Variants in LUC7L2 observed in about 807,000 individuals in gnomAD.
LUC7L2 encodes LUC7 like 2, pre-mRNA splicing factor.
LUC7L2 carries 25 observed loss-of-function variants against 52.8 expected under a neutral mutation model. The observed-to-expected ratio is 0.47, with a 90% CI of 0.34 to 0.66. The LOEUF is 0.66. Ranked by LOEUF, LUC7L2 falls within the 30% of genes least tolerant of loss-of-function variation. LUC7L2 has a pLI of 0.01. For synonymous variants in LUC7L2, 144 were observed against 160.9 expected, an observed-to-expected ratio of 0.89 and a Z score of 0.80; for missense variants, 328 against 497.8, an observed-to-expected ratio of 0.66 and a Z score of 3.25.
chr7:139,347,703 T>C (rs989841507), intron 1 of LUC7L2, among the ~76,000 whole-genome samples: 2 of 152,120 alleles, frequency 1.3e-5, no homozygotes, highest in Admixed American at 1.3e-4. Flanking sequence ...AAAAGAAATG[T>C]TTAACATACC....
At chr7:139,408,576 G>GCT (rs1458537322) in intron 6 of LUC7L2, among the ~76,000 whole-genome samples, 1 of 152,212 alleles carries the variant, frequency 6.6e-6, no homozygotes, top group Non-Finnish European at 1.5e-5. Flanking sequence ...AGGCGCAGTG[G>GCT]CTCACGCCTG....
intron 2 of LUC7L2, among the ~76,000 whole-genome samples, chr7:139,379,965 G>A (rs1800912596): frequency 1.3e-5 from 2 of 151,896 alleles, no homozygotes; most frequent in African/African-American, 2.4e-5. Context: ...CTTGAGGTCA[G>A]GAGTTTGAGA....
intron 1 of LUC7L2, chr7:139,374,339 A>G (rs1478352455): frequency 7.9e-7 from 1 of 1,258,868 alleles, no homozygotes; most frequent in African/African-American, 1.5e-5. Context: ...CTGTATTGAA[A>G]TTGCTGGCAG....
chr7:139,407,171 T>G lies in LUC7L2; in HGVS notation c.511-3T>G. 6.2e-7 allele frequency: 1 copy of G among 1,606,002 alleles called. No individual in the cohort carries two copies. Among genetic ancestry groups the G allele is most frequent in the Non-Finnish European group, 8.5e-7 (1 of 1,175,922 alleles). The stretch of plus-strand genomic sequence containing the variant: ...GGTCATTGTTTTTCTCACTTTTGTT[T>G]AGGAAGTTTATCGGAATTCTATGCC... On this transcript the variant is annotated splice_region_variant and splice_polypyrimidine_tract_variant and intron_variant, in intron 5 of 9. Transcript: ENST00000354926.
rs2116368830 is a variant in LUC7L2, at chr7:139,422,949, A to T, written c.*609A>T. The stretch of plus-strand genomic sequence containing the variant: ...GGAAGTTGAACAGCTGTTGCATTAC[A>T]TACTTTTGCTTTTTTATTGAAATTT... On this transcript the variant is annotated 3_prime_UTR_variant, in exon 10 of 10. Coordinates refer to ENST00000354926, the MANE Select transcript of LUC7L2 (RefSeq NM_016019.5). 1 of 398,844 alleles carries T rather than the reference A, an allele frequency of 2.5e-6. No homozygotes were observed. Among genetic ancestry groups the T allele is most frequent in the East Asian group, 3.6e-5 (1 of 28,054 alleles). The allele number at this position is 398,844 out of a possible 1,614,324, so 24.7% of individuals were successfully genotyped here.
intron 2 of LUC7L2, among the ~76,000 whole-genome samples, chr7:139,393,370 C>T (rs1347745884): frequency 2.0e-5 from 3 of 152,096 alleles, no homozygotes; most frequent in African/African-American, 7.2e-5. Flanking sequence ...GGTAGGGTTG[C>T]AGTGAGCTGA....
chr7:139,359,513 G>A (rs1336712607), upstream of LUC7L2: 5 of 244,154 alleles, frequency 2.0e-5, no homozygotes, highest in African/African-American at 1.1e-4. Context: ...GCCCACCTCA[G>A]ACGCCAAGGA....
Position 139,410,856 on chromosome 7 carries a change from C to T in LUC7L2, c.779+1202C>T, listed in dbSNP as rs113294548. Among the ~76,000 whole-genome samples, 375 of 152,226 alleles carry T rather than the reference C, an allele frequency of 2.5e-3. 2 individuals carry two copies. Among genetic ancestry groups the T allele is most frequent in the African/African-American group, 8.3e-3 (345 of 41,552 alleles). ...TCGTTTGTGTCACATGGCTTATAAC[C>T]AGGTAATCTTTTTGCACCATAAAGA... On this transcript the variant is annotated intron_variant, in intron 7 of 9. Transcript: ENST00000354926.
intron 1 of LUC7L2, among the ~76,000 whole-genome samples, chr7:139,342,308 G>C (rs1222839492): frequency 1.3e-5 from 2 of 152,108 alleles, no homozygotes; most frequent in African/African-American, 2.4e-5. Context: ...AGTTAGGGAA[G>C]GTTTTCCGGA....
chr7:139,345,755 C>T, intron 1 of LUC7L2: 2 of 1,539,734 alleles, frequency 1.3e-6, no homozygotes, highest in South Asian at 1.2e-5. Flanking sequence ...TGAATAATTT[C>T]TATCAATATG....
In LUC7L2 at chr7:139,407,041, A is replaced by G. The variant is rs1312038221; in HGVS notation, c.511-133A>G. On this transcript the variant is annotated intron_variant, in intron 5 of 9. Transcript: ENST00000354926. ...TTTTTTTGAGCTGGAGTCTCGCCCC[A>G]GTGAGCCACCGTGCCCAGCCACTTT... 5.1e-6 allele frequency: 2 copies of G among 392,852 alleles called. 1 individual carries two copies. The highest frequency in any genetic ancestry group is 2.3e-4 in the South Asian group (2 of 8,816). The allele number at this position is 392,852 out of a possible 1,614,324, so 24.3% of individuals were successfully genotyped here.
rs539475137 is a variant in LUC7L2 at position 139,360,454 on chromosome 7, G to T, written c.61+132G>T. 1.8e-4 allele frequency: 132 copies of T among 740,724 alleles called. 1 individual carries two copies. In the East Asian group the frequency reaches 3.6e-3, roughly 20 times the overall value. 45.9% of individuals were successfully genotyped at this position (740,724 alleles called of 1,614,324 possible). On this transcript the variant is annotated intron_variant, in intron 1 of 9. Coordinates refer to ENST00000354926, the MANE Select transcript of LUC7L2 (RefSeq NM_016019.5). The stretch of plus-strand genomic sequence containing the variant: ...CCCAGATTGGTAACACGAGGTCCCC[G>T]TCCCCCGTCCCATCCAATCAGGGCT...
chr7:139,385,386 A>G (rs1307192519), intron 2 of LUC7L2, among the ~76,000 whole-genome samples: 1 of 148,948 alleles, frequency 6.7e-6, no homozygotes, highest in Admixed American at 6.8e-5. Flanking sequence ...GCAGTGGTAT[A>G]ATCGTAGCCA....
intron 7 of LUC7L2, 124 bp downstream of exon 7, chr7:139,409,778 T>A: frequency 7.5e-7 from 1 of 1,328,620 alleles, no homozygotes; most frequent in Non-Finnish European, 9.8e-7. Flanking sequence ...CTGCTTACTT[T>A]AAAAAATATT....
rs754735833 is a variant in LUC7L2, at chr7:139,398,701, T to C, written c.255+4T>C. ...AGATTTTTTCTTTGAACTTGATGTA[T>C]GTGATTTTGCTTTAATGGTTTGTTG... On this transcript the variant is annotated splice_donor_region_variant and intron_variant, in intron 3 of 9. Coordinates refer to ENST00000354926, the MANE Select transcript of LUC7L2 (RefSeq NM_016019.5). 9.9e-6 allele frequency: 16 copies of C among 1,609,010 alleles called. No individual in the cohort carries two copies. The highest frequency in any genetic ancestry group is 1.4e-5 in the Non-Finnish European group (16 of 1,178,544).
At chr7:139,374,573 C>A in intron 1 of LUC7L2, 1 of 1,541,352 alleles carries the variant, frequency 6.5e-7, no homozygotes, top group Non-Finnish European at 8.8e-7. Context: ...ATTATAGTAG[C>A]AGGCGTAAAC....
At chr7:139,341,132 C>T (rs980919842) in intron 1 of LUC7L2, 2 of 445,854 alleles carry the variant, frequency 4.5e-6, no homozygotes, top group African/African-American at 4.1e-5. Context: ...CCTGTTTCCC[C>T]AAACCCTTGT....
Position 139,409,666 on chromosome 7 carries a change from T to C in LUC7L2, c.779+12T>C. 1 of 1,584,806 alleles carries C rather than the reference T, an allele frequency of 6.3e-7. No homozygotes were observed. Among genetic ancestry groups the C allele is most frequent in the Non-Finnish European group, 8.6e-7 (1 of 1,168,694 alleles). On this transcript the variant is annotated intron_variant, in intron 7 of 9. Coordinates refer to ENST00000354926, the MANE Select transcript of LUC7L2 (RefSeq NM_016019.5). ...GAGAAGCTGAGGAGGTATGGAGTAA[T>C]GGGCCAAGTAATTGAAGTTGAATCT...
At chr7:139,354,105 C>T (rs533081564) in intron 1 of LUC7L2, among the ~76,000 whole-genome samples, 3 of 136,510 alleles carry the variant, frequency 2.2e-5, no homozygotes, top group East Asian at 2.0e-4. Flanking sequence ...AATAGAGACT[C>T]GGTCTCAGAA....
Sources: allele counts gnomAD v4.1 joint callset (sites outside exome capture counted in the v4.1 genomes callset), GRCh38; gene constraint gnomAD v4.1.1; transcripts MANE v1.5; gene names NCBI Gene and HGNC (gene_info 2026-07-23, HGNC 2026-07-21).